Variants in PPP3CA observed in about 807,000 individuals in gnomAD.
PPP3CA encodes the protein protein phosphatase 3 catalytic subunit alpha.
A neutral mutation model predicts 66.5 loss-of-function variants in PPP3CA; 14 were observed. The observed-to-expected ratio is 0.21, with a 90% CI of 0.14 to 0.33. The LOEUF (loss-of-function observed/expected upper bound fraction) is 0.33, where lower values mean the gene tolerates loss of function less well. PPP3CA is among the 10% of genes least tolerant of loss of function. PPP3CA has a pLI of 1.00. For missense variants in PPP3CA, 317 were observed against 639.5 expected, an observed-to-expected ratio of 0.50 and a Z score of 5.44; for synonymous variants, 232 against 226.2, an observed-to-expected ratio of 1.03 and a Z score of -0.23.
intron 1 of PPP3CA, among the ~76,000 whole-genome samples, chr4:101,273,542 G>A (rs1727398098): frequency 6.6e-6 from 1 of 152,176 alleles, no homozygotes; most frequent in Non-Finnish European, 1.5e-5. Flanking sequence ...GGCCAGGCTG[G>A]TCTCGAACTC....
chr4:101,224,454 A>G (rs1234503572), intron 1 of PPP3CA, among the ~76,000 whole-genome samples: 2 of 151,796 alleles, frequency 1.3e-5, no homozygotes, highest in Non-Finnish European at 2.9e-5. Flanking sequence ...AATTTTTATT[A>G]GTCTGAAAAT....
chr4:101,070,176 C>CT (rs757672622), intron 8 of PPP3CA, among the ~76,000 whole-genome samples: 34 of 151,680 alleles, frequency 2.2e-4, no homozygotes, highest in African/African-American at 5.1e-4. Context: ...GCACAGATCC[C>CT]TTTTTTTTAT....
intron 2 of PPP3CA, among the ~76,000 whole-genome samples, chr4:101,159,904 A>G (rs1723447031): frequency 6.6e-6 from 1 of 152,156 alleles, no homozygotes; most frequent in Non-Finnish European, 1.5e-5. Flanking sequence ...AAATGGGGCC[A>G]TTGCTGGAAG....
At chr4:101,169,870 T>C (rs767455350) in intron 2 of PPP3CA, among the ~76,000 whole-genome samples, 69 of 152,174 alleles carry the variant, frequency 4.5e-4, no homozygotes, top group Non-Finnish European at 9.1e-4. Flanking sequence ...GTGATTTTTA[T>C]CCTCTTAAAT....
chr4:101,121,309 C>A (rs1360306824), intron 2 of PPP3CA, among the ~76,000 whole-genome samples: 2 of 152,104 alleles, frequency 1.3e-5, no homozygotes, highest in African/African-American at 4.8e-5. Flanking sequence ...TAAAACCACA[C>A]AATTTCTAGC....
intron 1 of PPP3CA, among the ~76,000 whole-genome samples, chr4:101,217,191 A>G (rs1452409168): frequency 6.6e-6 from 1 of 152,086 alleles, no homozygotes; most frequent in African/African-American, 2.4e-5. Context: ...TGGTATCAAT[A>G]GTTCTGAATA....
intron 2 of PPP3CA, among the ~76,000 whole-genome samples, chr4:101,135,209 A>G (rs1380301003): frequency 6.7e-6 from 1 of 150,368 alleles, no homozygotes. Context: ...CACAGAACTT[A>G]AAGTATAATA....
chr4:101,085,889 G>C (rs1578432261), intron 6 of PPP3CA, among the ~76,000 whole-genome samples: 2 of 151,830 alleles, frequency 1.3e-5, no homozygotes, highest in African/African-American at 2.4e-5. Flanking sequence ...GCGAGAGAGA[G>C]AGAACGGCAG....
intron 2 of PPP3CA, among the ~76,000 whole-genome samples, chr4:101,134,984 C>A (rs1252767317): frequency 6.6e-6 from 1 of 152,040 alleles, no homozygotes; most frequent in Non-Finnish European, 1.5e-5. Flanking sequence ...AAACCAAACA[C>A]CGCATGTTCT....
intron 5 of PPP3CA, 89 bp from the exon 6 acceptor site, chr4:101,094,004 C>G (rs921004936): frequency 8.2e-7 from 1 of 1,218,082 alleles, no homozygotes; most frequent in African/African-American, 1.6e-5. Context: ...GTGCAGAACC[C>G]ATCCTCTTCT....
chr4:101,046,963 G>A (rs937565224), intron 10 of PPP3CA, among the ~76,000 whole-genome samples: 3 of 152,196 alleles, frequency 2.0e-5, no homozygotes, highest in Non-Finnish European at 2.9e-5. Context: ...AGAAACTTGT[G>A]TAATTGGTCT....
chr4:101,097,908 C>T (rs9990461), intron 5 of PPP3CA, among the ~76,000 whole-genome samples: 25,154 of 152,108 alleles, frequency 0.17, 2,882 homozygotes, highest in African/African-American at 0.31. Context: ...AATATTATCA[C>T]TGTCCTTGTT....
chr4:101,254,755 G>C (rs917457910), intron 1 of PPP3CA, among the ~76,000 whole-genome samples: 3 of 151,648 alleles, frequency 2.0e-5, no homozygotes, highest in African/African-American at 7.3e-5. Context: ...GTTAAATCTT[G>C]TGTCTTGCCC....
chr4:101,095,015 T>A (rs965911140), intron 5 of PPP3CA, among the ~76,000 whole-genome samples: 6 of 151,992 alleles, frequency 3.9e-5, no homozygotes, highest in Non-Finnish European at 7.4e-5. Context: ...ATGTAAGTAA[T>A]GGTTTTGTTG....
intron 2 of PPP3CA, among the ~76,000 whole-genome samples, chr4:101,154,402 A>G (rs572193682): frequency 6.6e-6 from 1 of 152,364 alleles, no homozygotes; most frequent in Admixed American, 6.5e-5. Context: ...CCAACAATTA[A>G]AGAGCACGTG....
intron 1 of PPP3CA, among the ~76,000 whole-genome samples, chr4:101,244,783 T>C (rs1726425520): frequency 6.6e-6 from 1 of 152,242 alleles, no homozygotes; most frequent in African/African-American, 2.4e-5. Flanking sequence ...AATTAGTTAC[T>C]ATGCAATTTA....
chr4:101,206,713 A>G (rs1291733865), intron 1 of PPP3CA, among the ~76,000 whole-genome samples: 1 of 152,204 alleles, frequency 6.6e-6, no homozygotes, highest in Non-Finnish European at 1.5e-5. Context: ...TGTGTTTTTG[A>G]GTCAATGTAA....
intron 2 of PPP3CA, among the ~76,000 whole-genome samples, chr4:101,186,127 A>G (rs1724402463): frequency 6.6e-6 from 1 of 152,118 alleles, no homozygotes; most frequent in African/African-American, 2.4e-5. Context: ...ATATTTGCCT[A>G]GTGTTTTCTT....
chr4:101,337,527 C>T (rs1729669010), intron 1 of PPP3CA, among the ~76,000 whole-genome samples: 1 of 152,182 alleles, frequency 6.6e-6, no homozygotes, highest in South Asian at 2.1e-4. Context: ...AACAGAGATT[C>T]CCTCCTGGTT....
Sources: gnomAD v4.1 joint callset for allele counts (sites outside exome capture counted in the v4.1 genomes callset) on GRCh38, gnomAD v4.1.1 for gene constraint, MANE v1.5 for transcripts, NCBI Gene and HGNC (gene_info 2026-07-23, HGNC 2026-07-21) for gene names.